SNX13: variants seen among roughly 807,000 people sequenced by gnomAD.
SNX13 encodes the protein sorting nexin-13.
In SNX13, 45 loss-of-function variants were observed where a neutral mutation model predicts 133.6. The observed-to-expected ratio is 0.34, with a 90% CI of 0.27 to 0.43. The LOEUF (loss-of-function observed/expected upper bound fraction) is 0.43, where lower values mean the gene tolerates loss of function less well. Among genes scored for constraint, SNX13 ranks in the 20% least tolerant of loss-of-function variants. The pLI is 1.00. For missense variants in SNX13, 1,032 were observed against 1,145.1 expected (o/e 0.90, Z 1.43); for synonymous variants, 414 against 373.9 (o/e 1.11, Z -1.24).
intron 5 of SNX13, chr7:17,879,383 T>G (rs1795092116): frequency 6.6e-6 from 1 of 152,246 alleles, no homozygotes; most frequent in Admixed American, 6.5e-5. Flanking sequence ...TGTGTTTGTT[T>G]TATTCATAGC....
chr7:17,913,413 A>T (rs1799209634), intron 1 of SNX13, among the ~76,000 whole-genome samples: 1 of 152,184 alleles, frequency 6.6e-6, no homozygotes, highest in African/African-American at 2.4e-5. Context: ...CCCTCACCAA[A>T]GGTGGAGCAC....
At chr7:17,794,858 C>T (rs1783880789) in intron 25 of SNX13, 1 of 151,532 alleles carries the variant, frequency 6.6e-6, no homozygotes, top group Admixed American at 6.6e-5. Flanking sequence ...AAACCCCTGG[C>T]ATAGTAACTA....
chr7:17,877,164 A>G (rs902192208), intron 5 of SNX13, among the ~76,000 whole-genome samples: 4 of 151,990 alleles, frequency 2.6e-5, no homozygotes, highest in Admixed American at 1.3e-4. Context: ...ACATGAAACT[A>G]AAGAGAAAGC....
intron 20 of SNX13, among the ~76,000 whole-genome samples, chr7:17,813,574 A>C (rs914897900): frequency 2.6e-5 from 4 of 151,618 alleles, no homozygotes; most frequent in African/African-American, 9.7e-5. Flanking sequence ...TCCTGAAGTA[A>C]TCATATGAAC....
intron 1 of SNX13, among the ~76,000 whole-genome samples, chr7:17,929,049 T>C (rs1352628699): frequency 6.6e-6 from 1 of 152,108 alleles, no homozygotes; most frequent in African/African-American, 2.4e-5. Flanking sequence ...GCTTTTTTAA[T>C]CTATTTGAGA....
intron 5 of SNX13, among the ~76,000 whole-genome samples, chr7:17,884,294 A>G (rs1795716932): frequency 6.6e-6 from 1 of 152,244 alleles, no homozygotes; most frequent in Admixed American, 6.5e-5. Context: ...GCTAATTCAG[A>G]AAATCTAAAG....
intron 9 of SNX13, among the ~76,000 whole-genome samples, chr7:17,860,040 T>C (rs1043466910): frequency 2.6e-5 from 4 of 152,176 alleles, no homozygotes; most frequent in Admixed American, 2.6e-4. Flanking sequence ...GATCATACGG[T>C]AACAATTTTG....
In SNX13 at chr7:17,940,456, C is replaced by G; in HGVS notation, c.-161G>C. The stretch of plus-strand genomic sequence containing the variant: ...CGGCTTCGCTGGCCTCCCCTCGGCC[C>G]GGTCGCTCGCGACGGACGCGCCGCC... On this transcript the variant is annotated 5_prime_UTR_variant, in exon 1 of 26. Coordinates refer to ENST00000428135, the MANE Select transcript of SNX13 (RefSeq NM_015132.5). 2 of 786,758 alleles carry G rather than the reference C, an allele frequency of 2.5e-6. No homozygotes were observed. Among genetic ancestry groups the G allele is most frequent in the East Asian group, 5.3e-5 (2 of 37,606 alleles). 48.7% of individuals were successfully genotyped at this position (786,758 alleles called of 1,614,324 possible).
intron 1 of SNX13, among the ~76,000 whole-genome samples, chr7:17,918,089 C>CT (rs1324426053): frequency 6.6e-6 from 1 of 152,088 alleles, no homozygotes; most frequent in African/African-American, 2.4e-5. Flanking sequence ...GCTGGGAAAA[C>CT]TGGTTAACCT....
chr7:17,878,475 A>C (rs923250566), intron 5 of SNX13, among the ~76,000 whole-genome samples: 5 of 152,130 alleles, frequency 3.3e-5, no homozygotes, highest in Admixed American at 3.3e-4. Flanking sequence ...GCAAACAACT[A>C]ATGAAATTTT....
At chr7:17,821,281 A>G (rs1356768598) in intron 18 of SNX13, among the ~76,000 whole-genome samples, 1 of 152,206 alleles carries the variant, frequency 6.6e-6, no homozygotes, top group African/African-American at 2.4e-5. Flanking sequence ...TTTCCAAGGT[A>G]TACTCTTGAT....
chr7:17,885,986 A>G (rs1271101138), intron 5 of SNX13, among the ~76,000 whole-genome samples: 1 of 152,236 alleles, frequency 6.6e-6, no homozygotes, highest in Non-Finnish European at 1.5e-5. Flanking sequence ...TTCATATAGC[A>G]AAGAATATAA....
chr7:17,899,836 G>A (rs1421558147), intron 1 of SNX13: 1 of 152,116 alleles, frequency 6.6e-6, no homozygotes, highest in African/African-American at 2.4e-5. Flanking sequence ...TGAGGCCAAT[G>A]TTTTCCTGAA....
chr7:17,834,351 C>T (rs1408735307), intron 14 of SNX13, among the ~76,000 whole-genome samples, 167 bp from the exon 15 acceptor site: 4 of 151,738 alleles, frequency 2.6e-5, no homozygotes, highest in Non-Finnish European at 5.9e-5. Flanking sequence ...CTGATCCCTC[C>T]AGTAACTAAA....
intron 9 of SNX13, 40 bp from the exon 10 acceptor site, chr7:17,851,004 C>G (rs904466852): frequency 6.4e-7 from 1 of 1,559,546 alleles, no homozygotes; most frequent in African/African-American, 1.4e-5. Context: ...GAGAGGAACT[C>G]ACTTATGAAA....
chr7:17,797,612 T>A (rs539322065), intron 24 of SNX13, among the ~76,000 whole-genome samples: 2 of 151,840 alleles, frequency 1.3e-5, no homozygotes, highest in Non-Finnish European at 2.9e-5. Flanking sequence ...CTGAGAGCTT[T>A]ACAGGCTCTT....
intron 22 of SNX13, among the ~76,000 whole-genome samples, chr7:17,801,387 A>G (rs1362486618): frequency 6.6e-6 from 1 of 151,826 alleles, no homozygotes; most frequent in Non-Finnish European, 1.5e-5. Context: ...CAGAGGATGA[A>G]GGGCTTTTCT....
At chr7:17,838,272 G>C (rs1333923326) in intron 13 of SNX13, among the ~76,000 whole-genome samples, 1 of 151,870 alleles carries the variant, frequency 6.6e-6, no homozygotes, top group Admixed American at 6.6e-5. Context: ...TTGTCATAAA[G>C]TTGATCATAA....
chr7:17,927,939 C>A (rs1562537330), intron 1 of SNX13, among the ~76,000 whole-genome samples: 1 of 152,142 alleles, frequency 6.6e-6, no homozygotes, highest in Non-Finnish European at 1.5e-5. Context: ...TTCCCTGGTA[C>A]AAAAGCAAGA....
Sources: gnomAD v4.1 joint callset for allele counts (sites outside exome capture counted in the v4.1 genomes callset) on GRCh38, gnomAD v4.1.1 for gene constraint, MANE v1.5 for transcripts, NCBI Gene and HGNC (gene_info 2026-07-23, HGNC 2026-07-21) for gene names.